ANXA2: variants seen among roughly 807,000 people sequenced by gnomAD.
ANXA2 encodes annexin II.
A neutral mutation model predicts 47.3 loss-of-function variants in ANXA2; 28 were observed. That is an observed-to-expected ratio of 0.59 (90% CI 0.44 to 0.81). The LOEUF is 0.81. Among genes scored for constraint, ANXA2 ranks in the 40% least tolerant of loss-of-function variants. The probability of loss-of-function intolerance (pLI) is 0.00; values close to 1 mark genes in which losing one functional copy is unlikely to be tolerated. For missense variants in ANXA2, 384 were observed against 414.3 expected (o/e 0.93, Z 0.64); for synonymous variants, 172 against 155.5 (o/e 1.11, Z -0.79).
At chr15:60,381,744 G>C (rs956642583) in intron 3 of ANXA2, among the ~76,000 whole-genome samples, 1 of 151,968 alleles carries the variant, frequency 6.6e-6, no homozygotes, top group African/African-American at 2.4e-5. Context: ...TCACTCTCTA[G>C]ATCAATCTAA....
chr15:60,368,313 A>AT (rs1409784117), intron 3 of ANXA2, among the ~76,000 whole-genome samples: 8 of 78,224 alleles, frequency 1.0e-4, no homozygotes, highest in African/African-American at 3.2e-4. Context: ...ATCAATAAAA[A>AT]AAAAAAATAA....
At chr15:60,375,807 T>TC (rs1348971918) in intron 3 of ANXA2, among the ~76,000 whole-genome samples, 3 of 152,170 alleles carry the variant, frequency 2.0e-5, no homozygotes, top group African/African-American at 7.2e-5. Context: ...TCCCCCCTTC[T>TC]CATAAGCACA....
At chr15:60,367,562 T>TGGG (rs1203207571) in intron 3 of ANXA2, among the ~76,000 whole-genome samples, 1 of 38,808 alleles carries the variant, frequency 2.6e-5, no homozygotes, top group Non-Finnish European at 4.5e-5. Flanking sequence ...GGGAGGGAGG[T>TGGG]GGGGGGGACA....
At chr15:60,371,100 A>T (rs576901703) in intron 3 of ANXA2, among the ~76,000 whole-genome samples, 1 of 152,360 alleles carries the variant, frequency 6.6e-6, no homozygotes, top group South Asian at 2.1e-4. Context: ...ACACAAATGT[A>T]TTTGGCTCCT....
chr15:60,383,361 T>C (rs1202802219), intron 2 of ANXA2: 1 of 152,332 alleles, frequency 6.6e-6, no homozygotes, highest in African/African-American at 2.4e-5. Context: ...ACTCCTGGGC[T>C]CTAGTGATCC....
At chr15:60,372,338 C>T (rs181890413) in intron 3 of ANXA2, among the ~76,000 whole-genome samples, 5 of 152,146 alleles carry the variant, frequency 3.3e-5, no homozygotes, top group Non-Finnish European at 7.3e-5. Context: ...CAAGGTCACA[C>T]AAGCAAGACA....
chr15:60,395,852 A>G (rs971225637), intron 1 of ANXA2: 2 of 152,248 alleles, frequency 1.3e-5, no homozygotes, highest in African/African-American at 4.8e-5. Context: ...AAATGCACAT[A>G]CATGTCACAT....
intron 3 of ANXA2, among the ~76,000 whole-genome samples, chr15:60,373,977 T>C (rs1188356202): frequency 1.3e-5 from 2 of 152,174 alleles, no homozygotes; most frequent in Non-Finnish European, 2.9e-5. Flanking sequence ...GGAGAGAAAG[T>C]AGGCATTGCA....
chr15:60,382,946 C>G (rs1244735078), intron 2 of ANXA2: 1 of 154,506 alleles, frequency 6.5e-6, no homozygotes. Context: ...TTGGTCACCA[C>G]TGTGGCACCA....
At chr15:60,360,893 C>G in intron 5 of ANXA2, 48 bp downstream of exon 5, 1 of 1,247,670 alleles carries the variant, frequency 8.0e-7, no homozygotes, top group Middle Eastern at 2.0e-4. Context: ...CTGTAATTCA[C>G]AAAATTAATA....
At chr15:60,397,411 C>T (rs1384301963) in intron 1 of ANXA2, 5 of 742,390 alleles carry the variant, frequency 6.7e-6, no homozygotes, top group Non-Finnish European at 8.2e-6. Flanking sequence ...ACTCACACTC[C>T]CCCCTCTCGT....
chr15:60,381,087 G>T (rs1292090129), intron 3 of ANXA2, among the ~76,000 whole-genome samples: 1 of 152,130 alleles, frequency 6.6e-6, no homozygotes, highest in Non-Finnish European at 1.5e-5. Flanking sequence ...TCCAAAATAA[G>T]ACAGTTCTGA....
chr15:60,373,177 C>T (rs972795043), intron 3 of ANXA2, among the ~76,000 whole-genome samples: 4 of 152,196 alleles, frequency 2.6e-5, no homozygotes, highest in South Asian at 2.1e-4. Flanking sequence ...TGTGTCAACA[C>T]GTGTAGAGAA....
At chr15:60,396,844 G>A (rs1403428869) in intron 1 of ANXA2, among the ~76,000 whole-genome samples, 1 of 152,196 alleles carries the variant, frequency 6.6e-6, no homozygotes. Flanking sequence ...CACCCATGAG[G>A]CCACTGCTCT....
At chr15:60,366,141 T>C (rs1236232278) in intron 3 of ANXA2, among the ~76,000 whole-genome samples, 44 of 135,686 alleles carry the variant, frequency 3.2e-4, no homozygotes, top group Non-Finnish European at 3.8e-4. Context: ...GGAGTCTCGT[T>C]CACTCAGTGC....
At chr15:60,349,035 C>T (rs1315803178) in intron 12 of ANXA2, 40 bp downstream of exon 12, 1 of 1,612,440 alleles carries the variant, frequency 6.2e-7, no homozygotes, top group African/African-American at 1.3e-5. Context: ...CCGGGGTGCT[C>T]TGGACGGCAG....
chr15:60,384,211 T>G (rs1296328409), intron 2 of ANXA2: 1 of 152,198 alleles, frequency 6.6e-6, no homozygotes, highest in Non-Finnish European at 1.5e-5. Context: ...AAAAACATTT[T>G]CCCATTTATT....
rs866760696 is a variant in ANXA2, at chr15:60,357,551, T to C, written c.358-315A>G. On this transcript the variant is annotated intron_variant, in intron 5 of 12. Coordinates refer to ENST00000451270, the MANE Select transcript of ANXA2 (RefSeq NM_004039.3). ...GCTCACGCCTGTAATCCCAGCACTT[T>C]GGGAGGCCAAGGCAGGCAGATCACG... Among the ~76,000 whole-genome samples, 6 of 152,126 alleles carry C rather than the reference T, an allele frequency of 3.9e-5. No individual in the cohort carries two copies. The South Asian group carries it at 1.0e-3, about 26-fold the overall frequency.
At chr15:60,362,854 T>A (rs2140834814) in intron 4 of ANXA2, 1 of 151,974 alleles carries the variant, frequency 6.6e-6, no homozygotes, top group Middle Eastern at 3.4e-3. Context: ...GGAGCTTTGT[T>A]CTACATATAT....
Sources: allele counts gnomAD v4.1 joint callset (sites outside exome capture counted in the v4.1 genomes callset), GRCh38; gene constraint gnomAD v4.1.1; transcripts MANE v1.5; gene names NCBI Gene and HGNC (gene_info 2026-07-23, HGNC 2026-07-21).